LMTK2: variants seen among roughly 807,000 people sequenced by gnomAD.
LMTK2 encodes the protein lemur tail kinase 2.
Under a neutral mutation model 127.5 loss-of-function variants are expected in LMTK2, and 37 were observed. That is an observed-to-expected ratio of 0.29 (90% CI 0.22 to 0.38). The LOEUF (loss-of-function observed/expected upper bound fraction) is 0.38, where lower values mean the gene tolerates loss of function less well. LMTK2 is among the 10% of genes least tolerant of loss of function. The pLI, the probability that LMTK2 is intolerant of heterozygous loss-of-function variation, is 1.00. For synonymous variants in LMTK2, 819 were observed against 810.1 expected, an observed-to-expected ratio of 1.01 and a Z score of -0.19; for missense variants, 1,694 against 1,920.3, an observed-to-expected ratio of 0.88 and a Z score of 2.20.
chr7:98,153,916 A>G (rs553944809), intron 4 of LMTK2, among the ~76,000 whole-genome samples: 6 of 151,846 alleles, frequency 4.0e-5, no homozygotes, highest in Non-Finnish European at 8.8e-5. Context: ...CTTGTTCTCC[A>G]TTTTTCTGTC....
chr7:98,123,798 C>T (rs1390848258), intron 1 of LMTK2, among the ~76,000 whole-genome samples: 1 of 152,054 alleles, frequency 6.6e-6, no homozygotes, highest in Non-Finnish European at 1.5e-5. Flanking sequence ...TTTGTTCTTT[C>T]CATCTAAAGC....
chr7:98,191,571 A>AC, intron 10 of LMTK2, 43 bp from the exon 11 acceptor site: 2 of 1,498,958 alleles, frequency 1.3e-6, no homozygotes, highest in East Asian at 2.3e-5. Context: ...AAAAAAAAAA[A>AC]ATTCGTGATG....
intron 1 of LMTK2, among the ~76,000 whole-genome samples, chr7:98,128,101 G>A (rs1303420344): frequency 1.3e-5 from 2 of 152,108 alleles, no homozygotes; most frequent in Non-Finnish European, 2.9e-5. Flanking sequence ...CCAAGATCGC[G>A]CCACTGTGCT....
intron 2 of LMTK2, among the ~76,000 whole-genome samples, chr7:98,140,623 CACTT>C (rs1412652431): frequency 2.0e-5 from 3 of 151,992 alleles, no homozygotes; most frequent in African/African-American, 7.3e-5. Flanking sequence ...AAATAGAACT[CACTT>C]AAAAATATCT....
At chr7:98,119,618 C>T (rs61198600) in intron 1 of LMTK2, among the ~76,000 whole-genome samples, 8,627 of 152,192 alleles carry the variant, frequency 0.057, 610 homozygotes, top group East Asian at 0.34. Flanking sequence ...GCAGGTAGTC[C>T]GACAATCAGA....
At chr7:98,189,634 G>A (rs1044692339) in intron 9 of LMTK2, among the ~76,000 whole-genome samples, 4 of 152,186 alleles carry the variant, frequency 2.6e-5, no homozygotes, top group Admixed American at 6.5e-5. Context: ...ACACAAATGC[G>A]GGATGGAGGC....
intron 1 of LMTK2, among the ~76,000 whole-genome samples, chr7:98,131,481 A>T (rs995995004): frequency 1.3e-5 from 2 of 151,550 alleles, no homozygotes; most frequent in Admixed American, 6.6e-5. Context: ...ATGTCTCGCT[A>T]TTCATAATGT....
intron 11 of LMTK2, among the ~76,000 whole-genome samples, chr7:98,201,221 G>A (rs1432356636): frequency 6.6e-6 from 1 of 151,840 alleles, no homozygotes; most frequent in African/African-American, 2.4e-5. Flanking sequence ...ACCCTCCACG[G>A]TCTCTCATGA....
intron 5 of LMTK2, among the ~76,000 whole-genome samples, chr7:98,158,584 A>G (rs979248183): frequency 6.6e-6 from 1 of 152,076 alleles, no homozygotes; most frequent in Non-Finnish European, 1.5e-5. Flanking sequence ...AATATTAAAA[A>G]AAAAAATGGA....
intron 1 of LMTK2, among the ~76,000 whole-genome samples, chr7:98,126,139 G>T (rs1022939691): frequency 6.6e-6 from 1 of 152,144 alleles, no homozygotes; most frequent in African/African-American, 2.4e-5. Flanking sequence ...GTTATTTAGG[G>T]TCTGTCCTAC....
At chr7:98,200,738 T>C (rs780062813) in intron 11 of LMTK2, among the ~76,000 whole-genome samples, 2 of 152,190 alleles carry the variant, frequency 1.3e-5, no homozygotes, top group Non-Finnish European at 2.9e-5. Context: ...CTGCAGACTT[T>C]CAGTCATCTC....
chr7:98,151,300 T>C, intron 3 of LMTK2, 82 bp from the exon 4 acceptor site: 1 of 869,650 alleles, frequency 1.1e-6, no homozygotes. Context: ...CACAAGCCTT[T>C]ATGTTAGTGT....
rs1011280102 is a variant in LMTK2 at position 98,205,551 on chromosome 7, G to A, written c.*59G>A. 129 of 1,578,400 alleles carry A rather than the reference G, an allele frequency of 8.2e-5. No homozygotes were observed. Among genetic ancestry groups the A allele is most frequent in the Non-Finnish European group, 1.1e-4 (128 of 1,155,674 alleles). The stretch of plus-strand genomic sequence containing the variant: ...TGCTCCCCTGGAGCGGCGCCCCTGC[G>A]CCCTCAGCCCGAGCAGCGACATCCA... On this transcript the variant is annotated 3_prime_UTR_variant, in exon 14 of 14. Transcript: ENST00000297293.
chr7:98,115,217 C>A (rs756367268), intron 1 of LMTK2, among the ~76,000 whole-genome samples: 1 of 151,666 alleles, frequency 6.6e-6, no homozygotes, highest in Non-Finnish European at 1.5e-5. Context: ...GAGTTCAAGA[C>A]CAGCCTGGAC....
Position 98,116,500 on chromosome 7 carries a change from C to A in LMTK2, c.103+9220C>A, listed in dbSNP as rs143907141. Among the ~76,000 whole-genome samples the A allele has an allele frequency of 1.4e-4, 21 of 151,736 alleles. No homozygotes were observed. The East Asian group carries it at 3.7e-3, about 27-fold the overall frequency. On this transcript the variant is annotated intron_variant, in intron 1 of 13. Transcript: ENST00000297293. ...TGAGCTGAAGCCTCTCATTCTCTTG[C>A]GGACTTGACTTCCCATGCAGCCACA...
intron 3 of LMTK2, among the ~76,000 whole-genome samples, chr7:98,144,025 G>A (rs111914540): frequency 1.7e-3 from 263 of 152,120 alleles, no homozygotes; most frequent in Non-Finnish European, 3.2e-3. Flanking sequence ...CCACATACAA[G>A]CAATTCTACA....
rs1796700347 is a variant in LMTK2 at position 98,141,561 on chromosome 7, T to A, written c.376+20T>A. On this transcript the variant is annotated intron_variant, in intron 3 of 13. Transcript: ENST00000297293. ...CTGTAGGTAAGACCATACAGCCTAA[T>A]GCCACGTTTTCATGAATTGTTTCTG... 1 of 1,606,900 alleles carries A rather than the reference T, an allele frequency of 6.2e-7. No homozygotes were observed. The highest frequency in any genetic ancestry group is 8.5e-7 in the Non-Finnish European group (1 of 1,175,508).
At chr7:98,172,400 G>A (rs1315508084) in intron 7 of LMTK2, among the ~76,000 whole-genome samples, 2 of 151,644 alleles carry the variant, frequency 1.3e-5, no homozygotes, top group Non-Finnish European at 2.9e-5. Flanking sequence ...CACCTCCCGG[G>A]TTCACGCCTT....
At position 98,192,422 on chromosome 7, in the gene LMTK2, G is replaced by T. The variant is rs1347577048; in HGVS notation, c.1957G>T (p.Asp653Tyr). ...EDLPSHQKIF[D>Y]LMELNGVQAD... ...TTTGCCCAGTCACCAAAAAATATTCGACTTAATGGAATTAAACGGAGTTCA... is the reference window on the plus strand; with the variant it reads ...TTTGCCCAGTCACCAAAAAATATTCTACTTAATGGAATTAAACGGAGTTCA... Residue 653 changes from aspartate to tyrosine, a missense_variant, in exon 11 of 14, where the codon GAC becomes TAC. By Grantham distance (160) the Asp-to-Tyr change is radical. Coordinates refer to ENST00000297293, the MANE Select transcript of LMTK2 (RefSeq NM_014916.4). The T allele has an allele frequency of 9.3e-6, 15 of 1,611,354 alleles. No individual in the cohort carries two copies. The highest frequency in any genetic ancestry group is 2.2e-5 in the East Asian group (1 of 44,874).
Sources: allele counts gnomAD v4.1 joint callset (sites outside exome capture counted in the v4.1 genomes callset), GRCh38; gene constraint gnomAD v4.1.1; transcripts MANE v1.5; gene names NCBI Gene and HGNC (gene_info 2026-07-23, HGNC 2026-07-21).